Variants in ADRA1D observed in about 807,000 individuals in gnomAD.
The protein encoded by ADRA1D is adrenoceptor alpha 1D.
A neutral mutation model predicts 18.6 loss-of-function variants in ADRA1D; 22 were observed. The observed-to-expected ratio is 1.19, with a 90% CI of 0.85 to 1.69. The LOEUF is 1.69. Ranked by LOEUF, ADRA1D falls within the 40% of genes most tolerant of loss-of-function variation. ADRA1D has a pLI of 0.00. For missense variants in ADRA1D, 840 were observed against 840.7 expected (o/e 1.00, Z 0.01); for synonymous variants, 376 against 388.2 (o/e 0.97, Z 0.37).
chr20:4,248,717 C>T lies in ADRA1D; in HGVS notation c.241G>A (p.Val81Met), dbSNP rs752437599. 1 of 1,556,074 alleles carries T rather than the reference C, an allele frequency of 6.4e-7. No homozygotes were observed. The highest frequency in any genetic ancestry group is 1.2e-5 in the South Asian group (1 of 85,200). The change falls in exon 1 of 2, where the codon GTG (valine) becomes ATG (methionine). Residue 81 changes from valine (V) to methionine (M), a missense_variant. Val to Met is a conservative substitution (Grantham distance 21, BLOSUM62 1). Transcript: ENST00000379453. ...CCCCCGACGGCCGCCGTGCCATTCA[C>T]GTCGCCGCCCGCGCCCGCGCTCCCC... ...EPGSAGAGGD[V>M]NGTAAVGGLV...
intron 1 of ADRA1D, among the ~76,000 whole-genome samples, chr20:4,247,590 G>A (rs1315777390): frequency 6.6e-6 from 1 of 152,228 alleles, no homozygotes; most frequent in African/African-American, 2.4e-5. Context: ...GGGGCCAGCA[G>A]CATAAGCCCA....
In ADRA1D at chr20:4,222,988, C is replaced by T. The variant is rs1011146742; in HGVS notation, c.1112-858G>A. On this transcript the variant is annotated intron_variant, in intron 1 of 1. Coordinates refer to ENST00000379453, the MANE Select transcript of ADRA1D (RefSeq NM_000678.4). This position sits in a 1 kb window ranked among gnomAD's most constrained non-coding sequence, Gnocchi z 4.3. The stretch of plus-strand genomic sequence containing the variant: ...TGATTCAAACGAACATTAGCCGTCC[C>T]CACGGATATTTTCCTATCACTTTCA... 1.3e-5 allele frequency among the ~76,000 whole-genome samples: 2 copies of T among 152,024 alleles called. No individual in the cohort carries two copies. The highest frequency in any genetic ancestry group is 4.8e-5 in the African/African-American group (2 of 41,370).
chr20:4,236,972 G>C (rs1388108255), intron 1 of ADRA1D, among the ~76,000 whole-genome samples: 1 of 152,148 alleles, frequency 6.6e-6, no homozygotes, highest in African/African-American at 2.4e-5. Flanking sequence ...TATATTCTTT[G>C]AAGTCACTCA....
intron 1 of ADRA1D, among the ~76,000 whole-genome samples, chr20:4,236,140 A>G (rs969787620): frequency 6.6e-6 from 1 of 152,172 alleles, no homozygotes; most frequent in Non-Finnish European, 1.5e-5. Context: ...GGCAAGAAAT[A>G]ACATGGACTC....
At chr20:4,241,788 C>T (rs1981220206) in intron 1 of ADRA1D, among the ~76,000 whole-genome samples, 1 of 152,190 alleles carries the variant, frequency 6.6e-6, no homozygotes, top group South Asian at 2.1e-4. Flanking sequence ...GCATAATCCA[C>T]TCTCCGCACG....
At chr20:4,244,971 G>A (rs886598452) in intron 1 of ADRA1D, among the ~76,000 whole-genome samples, 5 of 151,954 alleles carry the variant, frequency 3.3e-5, no homozygotes, top group Admixed American at 1.3e-4. Flanking sequence ...GAGGATTTAG[G>A]GCCTCCTCCA....
intron 1 of ADRA1D, among the ~76,000 whole-genome samples, chr20:4,229,165 C>T (rs1348968658): frequency 3.3e-5 from 5 of 152,162 alleles, no homozygotes; most frequent in Admixed American, 3.3e-4. Context: ...TTTGCATTCT[C>T]CTATCAGTGT....
chr20:4,224,624 G>A (rs983842862), intron 1 of ADRA1D, among the ~76,000 whole-genome samples: 1 of 145,968 alleles, frequency 6.9e-6, no homozygotes, highest in African/African-American at 2.8e-5. Context: ...CCTGGATAGA[G>A]GCTGCAGGTG....
chr20:4,228,526 A>G (rs1030271919), intron 1 of ADRA1D, among the ~76,000 whole-genome samples: 7 of 152,384 alleles, frequency 4.6e-5, no homozygotes, highest in Middle Eastern at 3.4e-3. Context: ...CGTGCCAAGC[A>G]CGGTGTGAGG....
At position 4,221,498 on chromosome 20, in the gene ADRA1D, A is replaced by T. The variant is rs754599174; in HGVS notation, c.*25T>A. 11 of 1,585,824 alleles carry T rather than the reference A, an allele frequency of 6.9e-6. No homozygotes were observed. Among genetic ancestry groups the T allele is most frequent in the Middle Eastern group, 1.7e-4 (1 of 5,888 alleles). On this transcript the variant is annotated 3_prime_UTR_variant, in exon 2 of 2. Transcript: ENST00000379453. ...TCCCCCTTACCCCCAAGCCCAGCAC[A>T]CTCCGCGGCCTAGCTCTGGGGTCCT...
At chr20:4,246,932 G>A (rs7263105) in intron 1 of ADRA1D, among the ~76,000 whole-genome samples, 27,579 of 152,170 alleles carry the variant, frequency 0.18, 2,678 homozygotes, top group Middle Eastern at 0.2. Flanking sequence ...AGGCCTGGGA[G>A]AGGCAGAGAA....
chr20:4,221,556 G>A lies in ADRA1D; in HGVS notation c.1686C>T (p.Ala562=), dbSNP rs1409999571. 6.2e-7 allele frequency: 1 copy of A among 1,611,920 alleles called. No individual in the cohort carries two copies. ...CGGTCTCCCGTAGGTTGCTGTAGTC[G>A]GCCAATTCGTAGGCCTGGCAGGTGG... ...EGATCQAYEL[A]DYSNLRETDI Residue 562 remains alanine, a synonymous_variant, in exon 2 of 2, where the codon GCC becomes GCT. Coordinates refer to ENST00000379453, the MANE Select transcript of ADRA1D (RefSeq NM_000678.4).
intron 1 of ADRA1D, among the ~76,000 whole-genome samples, chr20:4,243,084 T>A (rs1182413573): frequency 6.6e-6 from 1 of 152,094 alleles, no homozygotes; most frequent in African/African-American, 2.4e-5. Flanking sequence ...GCCCCTCCGG[T>A]ACCCCTCACA....
At chr20:4,241,590 C>T (rs6116272) in intron 1 of ADRA1D, among the ~76,000 whole-genome samples, 37,151 of 152,060 alleles carry the variant, frequency 0.24, 4,765 homozygotes, top group South Asian at 0.36. Context: ...CCAGGTGCCA[C>T]AAAGCACAGG....
At chr20:4,247,791 G>A in intron 1 of ADRA1D, 56 bp downstream of exon 1, 1 of 1,429,876 alleles carries the variant, frequency 7.0e-7, no homozygotes. Flanking sequence ...TGCCAGGAGG[G>A]CACCGCCATA....
intron 1 of ADRA1D, 43 bp downstream of exon 1, chr20:4,247,804 C>T (rs961383724): frequency 4.1e-6 from 6 of 1,464,454 alleles, no homozygotes; most frequent in Middle Eastern, 1.8e-4. Context: ...CCGCCATAGG[C>T]TCAGGGAGAA....
intron 1 of ADRA1D, among the ~76,000 whole-genome samples, chr20:4,227,705 T>TCCCTCCTTCCTTC (rs745707360): frequency 6.1e-4 from 15 of 24,458 alleles, no homozygotes. Context: ...CCTCCCTCCC[T>TCCCTCCTTCCTTC]CCTTCCTTCC....
chr20:4,227,604 A>G (rs1382471445), intron 1 of ADRA1D, among the ~76,000 whole-genome samples: 1 of 151,574 alleles, frequency 6.6e-6, no homozygotes, highest in Non-Finnish European at 1.5e-5. Context: ...CCTTCATGTT[A>G]CTACCTTGGT....
intron 1 of ADRA1D, among the ~76,000 whole-genome samples, chr20:4,235,750 A>C (rs1211716401): frequency 1.3e-5 from 2 of 152,254 alleles, no homozygotes; most frequent in Non-Finnish European, 2.9e-5. Context: ...ACTGGCTTTC[A>C]GAGACTCAAG....
Sources: gnomAD v4.1 joint callset for allele counts (sites outside exome capture counted in the v4.1 genomes callset) on GRCh38, gnomAD v4.1.1 for gene constraint, Gnocchi (gnomAD v3.1) non-coding constraint, MANE v1.5 for transcripts, NCBI Gene and HGNC (gene_info 2026-07-23, HGNC 2026-07-21) for gene names.